The following ELFN1 variants were observed in gnomAD, a reference collection of about 807,000 sequenced individuals.
The protein encoded by ELFN1 is protein ELFN1.
Under a neutral mutation model 7.6 loss-of-function variants are expected in ELFN1, and 6 were observed. The observed-to-expected ratio is 0.79, with a 90% CI of 0.43 to 1.56. The LOEUF (loss-of-function observed/expected upper bound fraction) is 1.56, where lower values mean the gene tolerates loss of function less well. Among genes scored for constraint, ELFN1 ranks in the 40% most tolerant of loss-of-function variants. The pLI is 0.01. For synonymous variants in ELFN1, 657 were observed against 588.1 expected, an observed-to-expected ratio of 1.12 and a Z score of -1.70; for missense variants, 1,169 against 1,232.2, an observed-to-expected ratio of 0.95 and a Z score of 0.77.
In ELFN1 at chr7:1,743,507, G is replaced by A. The variant is rs545861347; in HGVS notation, c.-293-797G>A. ...GCAGACAGTGCCAAGTCCCAGTGCC[G>A]GGTAGACGCCCTCAGAGACCATCCA... is the stretch of plus-strand genomic sequence containing the variant. On this transcript the variant is annotated intron_variant, in intron 3 of 3. Coordinates refer to ENST00000424383, the MANE Select transcript of ELFN1 (RefSeq NM_001128636.4). Among the ~76,000 whole-genome samples the A allele has an allele frequency of 2.2e-3, 331 of 152,294 alleles. 3 individuals carry two copies. Among genetic ancestry groups the A allele is most frequent in the Non-Finnish European group, 2.6e-3 (175 of 68,008 alleles).
intron 2 of ELFN1, among the ~76,000 whole-genome samples, chr7:1,701,080 T>TGTGTGTGTGCGC (rs1307067594): frequency 1.5e-4 from 23 of 149,962 alleles, no homozygotes; most frequent in Non-Finnish European, 1.0e-4. Context: ...TATGTGTGCG[T>TGTGTGTGTGCGC]GTGTGTGTGC....
At chr7:1,674,542 G>A (rs1331330400) in intron 1 of ELFN1, among the ~76,000 whole-genome samples, 4 of 152,142 alleles carry the variant, frequency 2.6e-5, no homozygotes, top group African/African-American at 7.2e-5. Context: ...GAAGAGGCAG[G>A]CATCCAGGCA....
intron 3 of ELFN1, 26 bp from the exon 4 acceptor site, chr7:1,744,278 C>T: frequency 2.8e-6 from 1 of 357,006 alleles, no homozygotes; most frequent in Non-Finnish European, 5.0e-6. Flanking sequence ...TGTCCCCTGA[C>T]CGCTGTCTTC....
In ELFN1 at chr7:1,745,144, C is replaced by T. The variant is rs1483657129; in HGVS notation, c.548C>T (p.Ser183Leu). Residue 183 changes from serine to leucine, a missense_variant, in exon 4 of 4, where the codon TCG becomes TTG. Around this residue, in one of 2 missense-constraint regions of ELFN1, gnomAD observed 255 missense variants for 359.6 expected, o/e 0.71. Coordinates refer to ENST00000424383, the MANE Select transcript of ELFN1 (RefSeq NM_001128636.4). Reference sequence around the variant, plus strand: ...ACCTTCGCCGGCCTGGCCAAGCTGTCGGTGTGCGAGCTCTACAGCAACCCC... The same window carrying T: ...ACCTTCGCCGGCCTGGCCAAGCTGTTGGTGTGCGAGCTCTACAGCAACCCC... ...SGTFAGLAKL[S>L]VCELYSNPFY... The T allele has an allele frequency of 9.0e-6, 14 of 1,550,322 alleles. No individual in the cohort carries two copies. Among genetic ancestry groups the T allele is most frequent in the African/African-American group, 2.7e-5 (2 of 73,060 alleles).
chr7:1,743,568 G>T (rs1456174522), intron 3 of ELFN1, among the ~76,000 whole-genome samples: 1 of 152,186 alleles, frequency 6.6e-6, no homozygotes, highest in Admixed American at 6.5e-5. Context: ...CCCAGAGGGG[G>T]CACAGCGTGC....
chr7:1,675,900 G>GCC (rs1778861242), intron 1 of ELFN1, among the ~76,000 whole-genome samples: 1 of 152,212 alleles, frequency 6.6e-6, no homozygotes, highest in Non-Finnish European at 1.5e-5. Context: ...CTCCCTCACT[G>GCC]CCATCTCGAC....
At chr7:1,702,288 A>G (rs1186636515) in intron 2 of ELFN1, among the ~76,000 whole-genome samples, 2 of 152,126 alleles carry the variant, frequency 1.3e-5, no homozygotes, top group Non-Finnish European at 1.5e-5. Context: ...AGCCAGCGTG[A>G]TGGCGGGTGC....
At position 1,746,233 on chromosome 7, in the gene ELFN1, C is replaced by A. The variant is rs1380351277; in HGVS notation, c.1637C>A (p.Pro546His). ...GACTGTGAGCTGGGCCGGCCGGGCC[C>A]CGACAGCCAGAGTTCGGTGGCCGAG... ...RRDCELGRPG[P>H]DSQSSVAEIS... The change falls in exon 4 of 4, where the codon CCC becomes CAC. Residue 546 changes from proline (P) to histidine (H), a missense_variant. This residue lies in a region of ELFN1 where 914 missense variants were observed against 872.6 expected (regional missense o/e 1.05). Transcript: ENST00000424383. The A allele has an allele frequency of 1.3e-6, 2 of 1,491,458 alleles. No homozygotes were observed. Among genetic ancestry groups the A allele is most frequent in the Non-Finnish European group, 1.8e-6 (2 of 1,121,840 alleles). The allele number at this position is 1,491,458 out of a possible 1,614,324, so 92.4% of individuals were successfully genotyped here.
At position 1,739,823 on chromosome 7, in the gene ELFN1, C is replaced by T. The variant is rs566270110; in HGVS notation, c.-293-4481C>T. 8.6e-5 allele frequency among the ~76,000 whole-genome samples: 13 copies of T among 152,046 alleles called. No homozygotes were observed. The highest frequency in any genetic ancestry group is 7.8e-4 in the East Asian group (4 of 5,160). ...GCGGCTCAGAGGGCCCGAGGGGGGA[C>T]GCCCGGTGGGGCGGGGCTGAGGATG... On this transcript the variant is annotated intron_variant, in intron 3 of 3. Transcript: ENST00000424383. The surrounding 1 kb of genome is among the most constrained non-coding windows in gnomAD (Gnocchi z 4.6).
chr7:1,719,568 C>T (rs1239949956), intron 3 of ELFN1, among the ~76,000 whole-genome samples: 5 of 152,240 alleles, frequency 3.3e-5, no homozygotes, highest in Non-Finnish European at 7.3e-5. Flanking sequence ...CCCTCCCTCC[C>T]TACCTCAACC....
intron 3 of ELFN1, among the ~76,000 whole-genome samples, chr7:1,733,388 C>T (rs937458908): frequency 9.2e-5 from 14 of 151,984 alleles, no homozygotes; most frequent in African/African-American, 2.4e-4. Context: ...TGCTGATGGG[C>T]GTGGGGACAG....
chr7:1,734,694 T>C (rs1780398978), intron 3 of ELFN1, among the ~76,000 whole-genome samples: 1 of 151,554 alleles, frequency 6.6e-6, no homozygotes, highest in African/African-American at 2.4e-5. Context: ...ATCTGCATTT[T>C]CACTTTTTTT....
intron 3 of ELFN1, among the ~76,000 whole-genome samples, chr7:1,714,390 AC>A (rs1251304612): frequency 1.3e-5 from 2 of 151,612 alleles, no homozygotes; most frequent in African/African-American, 4.8e-5. Flanking sequence ...TCCGTTCACC[AC>A]CCCCCACACC....
chr7:1,746,915 C>G lies in ELFN1; in HGVS notation c.2319C>G (p.Ser773=). The change falls in exon 4 of 4, where the codon TCC becomes TCG. Residue 773 remains serine (S), a synonymous_variant. Coordinates refer to ENST00000424383, the MANE Select transcript of ELFN1 (RefSeq NM_001128636.4). ...GCCCCGAGTACACCTGCCGGGCCTCCCAGAGCATCTGGGAGCGCTTCAGAC... is the reference window on the plus strand; with the variant it reads ...GCCCCGAGTACACCTGCCGGGCCTCGCAGAGCATCTGGGAGCGCTTCAGAC... ...SSSPEYTCRA[S]QSIWERFRLS... 6.5e-7 allele frequency: 1 copy of G among 1,548,982 alleles called. No homozygotes were observed. Among genetic ancestry groups the G allele is most frequent in the Non-Finnish European group, 8.7e-7 (1 of 1,146,176 alleles).
At chr7:1,675,713 T>G (rs1434396363) in intron 1 of ELFN1, among the ~76,000 whole-genome samples, 1 of 152,210 alleles carries the variant, frequency 6.6e-6, no homozygotes, top group Non-Finnish European at 1.5e-5. Flanking sequence ...GAGAGGGCTT[T>G]GCAGAGCACA....
intron 1 of ELFN1, among the ~76,000 whole-genome samples, chr7:1,678,807 C>T (rs146570055): frequency 6.6e-6 from 1 of 152,318 alleles, no homozygotes; most frequent in Non-Finnish European, 1.5e-5. Context: ...TGGTGACTAC[C>T]CGGCTTAGCG....
chr7:1,741,131 A>C (rs1780600066), intron 3 of ELFN1, among the ~76,000 whole-genome samples: 1 of 133,270 alleles, frequency 7.5e-6, no homozygotes, highest in Non-Finnish European at 1.5e-5. Context: ...CTCTGTCTCA[A>C]AAAAAAAAAA....
At position 1,678,705 on chromosome 7, in the gene ELFN1, G is replaced by A. The variant is rs561847380; in HGVS notation, c.-549+8351G>A. On this transcript the variant is annotated intron_variant, in intron 1 of 3. Coordinates refer to ENST00000424383, the MANE Select transcript of ELFN1 (RefSeq NM_001128636.4). ...CCTGCTGCCCTTGCCTGGCCCCAGC[G>A]GTCGTGGGTGTGGACCCTGAGCCTC... is the stretch of plus-strand genomic sequence containing the variant. Among the ~76,000 whole-genome samples the A allele has an allele frequency of 1.4e-4, 22 of 152,318 alleles. No homozygotes were observed. In the South Asian group the frequency reaches 1.5e-3, roughly 10 times the overall value.
chr7:1,704,149 C>T (rs1476009939), intron 2 of ELFN1, among the ~76,000 whole-genome samples: 2 of 152,196 alleles, frequency 1.3e-5, no homozygotes, highest in Admixed American at 1.3e-4. Context: ...CGCTGTTGTT[C>T]TTGTTACGGC....
Sources: gnomAD v4.1 joint callset for allele counts (sites outside exome capture counted in the v4.1 genomes callset) on GRCh38, gnomAD v4.1.1 for gene constraint, gnomAD v4.1.1 regional missense constraint, Gnocchi (gnomAD v3.1) non-coding constraint, MANE v1.5 for transcripts, NCBI Gene and HGNC (gene_info 2026-07-23, HGNC 2026-07-21) for gene names.